ADCY3: variants seen among roughly 807,000 people sequenced by gnomAD.
The protein encoded by ADCY3 is adenylate cyclase 3.
ADCY3 carries 70 observed loss-of-function variants against 119.4 expected under a neutral mutation model. The observed-to-expected ratio is 0.59, with a 90% CI of 0.48 to 0.72. The LOEUF is 0.72. Ranked by LOEUF, ADCY3 falls within the 30% of genes least tolerant of loss-of-function variation. ADCY3 has a pLI of 0.00. For synonymous variants in ADCY3, 672 were observed against 621.4 expected, an observed-to-expected ratio of 1.08 and a Z score of -1.21; for missense variants, 1,238 against 1,541.6, an observed-to-expected ratio of 0.80 and a Z score of 3.30.
chr2:24,828,352 G>A (rs13005690), intron 13 of ADCY3, among the ~76,000 whole-genome samples, 191 bp from the exon 14 acceptor site: 63,934 of 152,040 alleles, frequency 0.42, 15,459 homozygotes, highest in East Asian at 0.6. Flanking sequence ...GAGCCTCGCC[G>A]TTGCCTCATT....
At chr2:24,900,882 T>TG (rs1347035922) in intron 2 of ADCY3, among the ~76,000 whole-genome samples, 1 of 152,070 alleles carries the variant, frequency 6.6e-6, no homozygotes, top group Non-Finnish European at 1.5e-5. Flanking sequence ...CTGGCCAACA[T>TG]GGTGAAACCC....
intron 11 of ADCY3, among the ~76,000 whole-genome samples, chr2:24,832,405 G>A (rs957369995): frequency 1.3e-5 from 2 of 152,098 alleles, no homozygotes; most frequent in African/African-American, 4.8e-5. Context: ...TCGCTGCCGG[G>A]GGCTAAGAGT....
chr2:24,911,657 AAC>A (rs1553367741), intron 2 of ADCY3, among the ~76,000 whole-genome samples: 7 of 138,248 alleles, frequency 5.1e-5, no homozygotes, highest in East Asian at 2.1e-4. Flanking sequence ...AAAAAAAAAA[AAC>A]ACACACACAC....
chr2:24,844,197 G>A (rs564318908), intron 3 of ADCY3, among the ~76,000 whole-genome samples: 8 of 152,254 alleles, frequency 5.3e-5, no homozygotes, highest in East Asian at 1.9e-4. Flanking sequence ...GAGTGCTTCC[G>A]GGTGGCCAGG....
intron 2 of ADCY3, among the ~76,000 whole-genome samples, chr2:24,911,462 T>C (rs1001791019): frequency 1.3e-5 from 2 of 151,230 alleles, no homozygotes; most frequent in Non-Finnish European, 2.9e-5. Context: ...GCCTGGTTAC[T>C]GTGGTGAAAA....
chr2:24,879,268 C>T (rs1676086174), intron 2 of ADCY3, among the ~76,000 whole-genome samples: 3 of 151,822 alleles, frequency 2.0e-5, no homozygotes, highest in Admixed American at 2.0e-4. Context: ...GTCAGGAAAT[C>T]GAGACCATCC....
intron 2 of ADCY3, among the ~76,000 whole-genome samples, chr2:24,902,862 T>C (rs1422001206): frequency 6.6e-6 from 1 of 152,060 alleles, no homozygotes; most frequent in Non-Finnish European, 1.5e-5. Context: ...AAACCCCGTC[T>C]CTACTAAAAA....
intron 7 of ADCY3, chr2:24,838,836 A>T (rs780448871): frequency 6.2e-7 from 1 of 1,606,408 alleles, no homozygotes; most frequent in East Asian, 2.2e-5. Context: ...TGTGGGCCGT[A>T]TGGCACTTAC....
chr2:24,833,185 T>G (rs1423426610), intron 11 of ADCY3, among the ~76,000 whole-genome samples: 2 of 152,222 alleles, frequency 1.3e-5, no homozygotes, highest in Non-Finnish European at 2.9e-5. Context: ...AACAGGGGAC[T>G]CCTCTGCTCC....
chr2:24,902,737 T>C (rs1679049755), intron 2 of ADCY3, among the ~76,000 whole-genome samples: 1 of 152,140 alleles, frequency 6.6e-6, no homozygotes, highest in African/African-American at 2.4e-5. Flanking sequence ...GAATAGTCAA[T>C]ATATTTTCCT....
intron 21 of ADCY3, 58 bp from the exon 22 acceptor site, chr2:24,820,172 G>T: frequency 4.5e-6 from 6 of 1,325,292 alleles, no homozygotes; most frequent in African/African-American, 1.5e-5. Context: ...GACTGAGGGC[G>T]GGTGGGGGCT....
intron 3 of ADCY3, among the ~76,000 whole-genome samples, chr2:24,843,093 A>G (rs893419683): frequency 1.3e-5 from 2 of 152,236 alleles, no homozygotes; most frequent in African/African-American, 4.8e-5. Flanking sequence ...AGCCGTGTAC[A>G]CAAACGCACA....
chr2:24,829,620 A>ACC (rs1206284793), intron 13 of ADCY3, among the ~76,000 whole-genome samples: 3 of 146,948 alleles, frequency 2.0e-5, no homozygotes, highest in Non-Finnish European at 3.0e-5. Flanking sequence ...ACGGGGTTTC[A>ACC]ACTGTGTTAG....
At chr2:24,886,338 C>A (rs993335911) in intron 2 of ADCY3, among the ~76,000 whole-genome samples, 1 of 152,224 alleles carries the variant, frequency 6.6e-6, no homozygotes, top group African/African-American at 2.4e-5. Flanking sequence ...ACTTAGAATG[C>A]CCCTCCCCAC....
chr2:24,847,737 G>A (rs1671812458), intron 3 of ADCY3, among the ~76,000 whole-genome samples: 1 of 152,242 alleles, frequency 6.6e-6, no homozygotes, highest in Non-Finnish European at 1.5e-5. Flanking sequence ...TTGCAGAAAA[G>A]ATGAGCCTCT....
chr2:24,838,414 TGGGGTGGG>T, intron 8 of ADCY3, 23 bp downstream of exon 8: 1 of 842,440 alleles, frequency 1.2e-6, no homozygotes. Flanking sequence ...GTGGGGTGGG[TGGGGTGGG>T]TGGGGTGGGG....
At chr2:24,875,601 G>A (rs1038274297) in intron 2 of ADCY3, among the ~76,000 whole-genome samples, 9 of 152,210 alleles carry the variant, frequency 5.9e-5, no homozygotes, top group Admixed American at 2.0e-4. Context: ...GGGTGCTCAC[G>A]CAGCGACGGG....
At position 24,912,500 on chromosome 2, in the gene ADCY3, C is replaced by T. The variant is rs959026291; in HGVS notation, c.675+5813G>A. ...CTGGCATCCCAGCCATTCCATCTGA[C>T]GGAGGGTTTACCCAGAAGGCTGGGC... On this transcript the variant is annotated intron_variant, in intron 2 of 21. Coordinates refer to ENST00000679454, the MANE Select transcript of ADCY3 (RefSeq NM_004036.5). Among the ~76,000 whole-genome samples the T allele has an allele frequency of 7.9e-5, 12 of 152,102 alleles. No homozygotes were observed. In the South Asian group the frequency reaches 1.9e-3, roughly 24 times the overall value.
intron 13 of ADCY3, among the ~76,000 whole-genome samples, chr2:24,829,713 C>T (rs115583825): frequency 0.067 from 10,135 of 151,318 alleles, 478 homozygotes; most frequent in Non-Finnish European, 0.081. Context: ...TGAGCCACTG[C>T]GCCCGGCACC....
Sources: gnomAD v4.1 joint callset for allele counts (sites outside exome capture counted in the v4.1 genomes callset) on GRCh38, gnomAD v4.1.1 for gene constraint, MANE v1.5 for transcripts, NCBI Gene and HGNC (gene_info 2026-07-23, HGNC 2026-07-21) for gene names.